Variants in TMEM117 observed in about 807,000 individuals in gnomAD.
TMEM117 encodes transmembrane protein 117.
A neutral mutation model predicts 52.4 loss-of-function variants in TMEM117; 27 were observed. The ratio of observed to expected loss-of-function variants is 0.51; its 90% confidence interval spans 0.38 to 0.71. The LOEUF (loss-of-function observed/expected upper bound fraction) is 0.71. Among genes scored for constraint, TMEM117 ranks in the 30% least tolerant of loss-of-function variants. TMEM117 has a pLI of 0.00. For missense variants in TMEM117, 556 were observed against 630.5 expected, an observed-to-expected ratio of 0.88 and a Z score of 1.26; for synonymous variants, 215 against 206.3, an observed-to-expected ratio of 1.04 and a Z score of -0.36.
At chr12:44,267,877 A>G (rs1400404358) in intron 5 of TMEM117, among the ~76,000 whole-genome samples, 2 of 152,172 alleles carry the variant, frequency 1.3e-5, no homozygotes, top group African/African-American at 2.4e-5. Context: ...TATGTATGCC[A>G]TGTTTTCCTT....
At chr12:44,083,614 G>A (rs1947520864) in intron 3 of TMEM117, 1 of 151,596 alleles carries the variant, frequency 6.6e-6, no homozygotes, top group Non-Finnish European at 1.5e-5. Context: ...ATGTTACTCA[G>A]GTTGCTCTTG....
At chr12:44,023,571 G>A (rs1256292060) in intron 3 of TMEM117, among the ~76,000 whole-genome samples, 1 of 151,960 alleles carries the variant, frequency 6.6e-6, no homozygotes, top group Non-Finnish European at 1.5e-5. Context: ...TTCTCTGATG[G>A]CCAGTGATGA....
At chr12:43,804,395 T>C in the TMEM117 span, 1 of 774,296 alleles carries the variant, frequency 1.3e-6, no homozygotes, top group Non-Finnish European at 2.2e-6. Context: ...ACTTGCTTCA[T>C]ATTAATTAAT....
intron 6 of TMEM117, among the ~76,000 whole-genome samples, chr12:44,302,710 C>A (rs1018863401): frequency 2.6e-5 from 4 of 152,176 alleles, no homozygotes; most frequent in Admixed American, 2.6e-4. Context: ...GAGTCATGTG[C>A]AAACTGTATC....
intron 5 of TMEM117, among the ~76,000 whole-genome samples, chr12:44,236,185 TATAGAG>T (rs1949993795): frequency 6.9e-6 from 1 of 145,320 alleles, no homozygotes; most frequent in African/African-American, 2.7e-5. Context: ...TATATATATA[TATAGAG>T]AGAGAGAGAG....
the TMEM117 span, among the ~76,000 whole-genome samples, chr12:43,820,689 T>C: frequency 1.3e-5 from 2 of 152,094 alleles, no homozygotes; most frequent in Non-Finnish European, 2.9e-5. Context: ...CACTTTATTG[T>C]CCTCATAATC....
At chr12:44,265,430 A>T (rs555734026) in intron 5 of TMEM117, among the ~76,000 whole-genome samples, 10 of 152,252 alleles carry the variant, frequency 6.6e-5, no homozygotes, top group African/African-American at 1.9e-4. Flanking sequence ...TGCTCTGTGG[A>T]GCATGTATCA....
chr12:43,847,930 G>A (rs144999308), intron 2 of TMEM117, among the ~76,000 whole-genome samples: 5,734 of 152,208 alleles, frequency 0.038, 273 homozygotes, highest in African/African-American at 0.1. Context: ...CAGCTGGGCC[G>A]CCAGGGGTGA....
At position 44,206,271 on chromosome 12, in the gene TMEM117, G is replaced by C. The variant is rs190353843; in HGVS notation, c.511-5019G>C. ...ACAGCTCGCTCATGCTATTGTTTGT[G>C]GTTTAGGAATGCCTTGAGCAGTTTT... On this transcript the variant is annotated intron_variant, in intron 4 of 7. Transcript: ENST00000266534. Among the ~76,000 whole-genome samples, 225 of 152,258 alleles carry C rather than the reference G, an allele frequency of 1.5e-3. 2 individuals carry two copies. The highest frequency in any genetic ancestry group is 5.1e-3 in the African/African-American group (212 of 41,552).
chr12:44,177,525 G>A (rs1223944454), intron 4 of TMEM117, among the ~76,000 whole-genome samples: 1 of 152,128 alleles, frequency 6.6e-6, no homozygotes, highest in African/African-American at 2.4e-5. Context: ...GAAGTGGATT[G>A]TTCAAAATTC....
At chr12:44,313,041 A>G (rs1951011258) in intron 6 of TMEM117, among the ~76,000 whole-genome samples, 1 of 152,068 alleles carries the variant, frequency 6.6e-6, no homozygotes, top group Non-Finnish European at 1.5e-5. Context: ...ATTTGCAGAT[A>G]TTTTCTCCAA....
At chr12:44,092,728 A>G (rs1947695314) in intron 3 of TMEM117, among the ~76,000 whole-genome samples, 1 of 152,196 alleles carries the variant, frequency 6.6e-6, no homozygotes, top group African/African-American at 2.4e-5. Context: ...AGCAGTCTCC[A>G]TGTAGATCCT....
intron 3 of TMEM117, among the ~76,000 whole-genome samples, chr12:44,093,349 ATAAT>A (rs1947706000): frequency 6.6e-6 from 1 of 152,132 alleles, no homozygotes; most frequent in African/African-American, 2.4e-5. Context: ...TCCCAGTTTG[ATAAT>A]TATTAATATA....
chr12:44,306,195 A>G (rs1592680311), intron 6 of TMEM117, among the ~76,000 whole-genome samples: 1 of 151,830 alleles, frequency 6.6e-6, no homozygotes, highest in Non-Finnish European at 1.5e-5. Flanking sequence ...CCTGGGCAAC[A>G]GGGCCATCCA....
intron 3 of TMEM117, among the ~76,000 whole-genome samples, chr12:44,127,426 C>T (rs1279087256): frequency 6.6e-6 from 1 of 151,722 alleles, no homozygotes; most frequent in African/African-American, 2.4e-5. Flanking sequence ...CCTGTTACAC[C>T]AGAACTTTGG....
chr12:44,275,388 G>C lies in TMEM117; in HGVS notation c.609-24192G>C, dbSNP rs576147792. Among the ~76,000 whole-genome samples, 5 of 152,172 alleles carry C rather than the reference G, an allele frequency of 3.3e-5. No homozygotes were observed. The South Asian group carries it at 1.0e-3, about 32-fold the overall frequency. On this transcript the variant is annotated intron_variant, in intron 5 of 7. Coordinates refer to ENST00000266534, the MANE Select transcript of TMEM117 (RefSeq NM_032256.3). ...CAACTGTTATGGAGAACAGTTTGGAGGTTCTTCAGAAAACTAAAAATAGAG... is the reference window on the plus strand; with the variant it reads ...CAACTGTTATGGAGAACAGTTTGGACGTTCTTCAGAAAACTAAAAATAGAG...
At chr12:43,899,568 C>T (rs1281088105) in intron 2 of TMEM117, among the ~76,000 whole-genome samples, 4 of 152,204 alleles carry the variant, frequency 2.6e-5, no homozygotes, top group Admixed American at 6.5e-5. Context: ...TGCTTTGTTT[C>T]CTCAGTAAGC....
chr12:44,142,925 G>A (rs941827399), intron 3 of TMEM117, among the ~76,000 whole-genome samples: 1 of 152,114 alleles, frequency 6.6e-6, no homozygotes, highest in African/African-American at 2.4e-5. Context: ...ATAGGAATTA[G>A]CTATACAAAA....
intron 4 of TMEM117, among the ~76,000 whole-genome samples, chr12:44,173,400 A>G (rs1173342417): frequency 2.6e-5 from 4 of 152,032 alleles, no homozygotes; most frequent in African/African-American, 9.7e-5. Context: ...TTATTAATTT[A>G]ATAACTTTCT....
Sources: gnomAD v4.1 joint callset for allele counts (sites outside exome capture counted in the v4.1 genomes callset) on GRCh38, gnomAD v4.1.1 for gene constraint, MANE v1.5 for transcripts, NCBI Gene and HGNC (gene_info 2026-07-23, HGNC 2026-07-21) for gene names.